Variants in NEO1 observed in about 807,000 individuals in gnomAD.
NEO1 encodes the protein neogenin.
Under a neutral mutation model 159.7 loss-of-function variants are expected in NEO1, and 63 were observed. The ratio of observed to expected loss-of-function variants is 0.39; its 90% CI spans 0.32 to 0.49. The LOEUF (loss-of-function observed/expected upper bound fraction) is 0.49. Among genes scored for constraint, NEO1 ranks in the 20% least tolerant of loss-of-function variants. The pLI, the probability that NEO1 is intolerant of heterozygous loss-of-function variation, is 0.85. For synonymous variants in NEO1, 633 were observed against 662.0 expected, an observed-to-expected ratio of 0.96 and a Z score of 0.67; for missense variants, 1,615 against 1,831.0, an observed-to-expected ratio of 0.88 and a Z score of 2.15.
intron 1 of NEO1, among the ~76,000 whole-genome samples, chr15:73,089,597 A>G (rs992757973): frequency 6.6e-6 from 1 of 151,630 alleles, no homozygotes; most frequent in Non-Finnish European, 1.5e-5. Context: ...AAAACAACTT[A>G]CACCATTTTT....
In NEO1 at chr15:73,052,774, C is replaced by T; in HGVS notation, c.99C>T (p.Ala33=). The change falls in exon 1 of 29, where the codon GCC becomes GCT. Residue 33 remains alanine, a synonymous_variant. Coordinates refer to ENST00000261908, the MANE Select transcript of NEO1 (RefSeq NM_002499.4). ...LLGRRAPGAA[A]ARSGSAPQSP... ...GGCGCCGGGCGCCGGGCGCCGCGGC[C>T]GCCAGGAGCGGCTCCGCGCCGCAGT... is the stretch of plus-strand genomic sequence containing the variant. 1 of 1,219,380 alleles carries T rather than the reference C, an allele frequency of 8.2e-7. No homozygotes were observed. Among genetic ancestry groups the T allele is most frequent in the South Asian group, 2.3e-5 (1 of 42,934 alleles). 75.5% of individuals were successfully genotyped at this position (1,219,380 alleles called of 1,614,324 possible). A position where few individuals can be genotyped will look rare whatever the true frequency, so the allele number is the denominator to read the frequency against.
intron 5 of NEO1, among the ~76,000 whole-genome samples, chr15:73,172,186 C>A (rs533712045): frequency 3.9e-4 from 59 of 152,184 alleles, no homozygotes; most frequent in African/African-American, 1.3e-3. Context: ...TTATTCTATT[C>A]TCTTAAATAA....
chr15:73,288,908 T>C (rs770581603), intron 24 of NEO1, among the ~76,000 whole-genome samples: 1 of 152,204 alleles, frequency 6.6e-6, no homozygotes, highest in Non-Finnish European at 1.5e-5. Flanking sequence ...GTCTGGAGGC[T>C]CTTATAGACA....
intron 7 of NEO1, among the ~76,000 whole-genome samples, chr15:73,188,179 C>T (rs1464428118): frequency 6.6e-6 from 1 of 151,662 alleles, no homozygotes; most frequent in African/African-American, 2.4e-5. Flanking sequence ...CTAAATTTTA[C>T]CACTGATTAA....
chr15:73,273,017 G>GC (rs908563390), intron 19 of NEO1, among the ~76,000 whole-genome samples: 7 of 140,056 alleles, frequency 5.0e-5, no homozygotes, highest in Non-Finnish European at 9.1e-5. Context: ...CCTTTTCACT[G>GC]CCCCCCGAGA....
chr15:73,261,773 A>G (rs1272560375), intron 15 of NEO1, among the ~76,000 whole-genome samples: 1 of 152,216 alleles, frequency 6.6e-6, no homozygotes, highest in African/African-American at 2.4e-5. Flanking sequence ...GCTTTTTTGT[A>G]GAAATTGATA....
At chr15:73,299,976 T>G (rs1362219702) in intron 27 of NEO1, 1 of 152,232 alleles carries the variant, frequency 6.6e-6, no homozygotes, top group Non-Finnish European at 1.5e-5. Context: ...GGTTTGTTTG[T>G]AAAGTGAAAT....
Position 73,127,771 on chromosome 15 carries a change from A to T in NEO1, c.878+1201A>T, listed in dbSNP as rs147804560. Among the ~76,000 whole-genome samples, 490 of 152,354 alleles carry T rather than the reference A, an allele frequency of 3.2e-3. 2 individuals are homozygous for T. The highest frequency in any genetic ancestry group is 0.011 in the African/African-American group (470 of 41,586). On this transcript the variant is annotated intron_variant, in intron 4 of 28. Coordinates refer to ENST00000261908, the MANE Select transcript of NEO1 (RefSeq NM_002499.4). ...ATGTGAAATGTAGTTCTACCAAAAG[A>T]ATAAAGTTTATGTTTAGTGGGAAAC...
At chr15:73,276,833 A>G (rs2041447704) in intron 21 of NEO1, among the ~76,000 whole-genome samples, 1 of 152,162 alleles carries the variant, frequency 6.6e-6, no homozygotes, top group Non-Finnish European at 1.5e-5. Flanking sequence ...GTAAGGCTTT[A>G]TTTGTAGAAA....
chr15:73,233,198 G>C (rs1032861309), intron 7 of NEO1, among the ~76,000 whole-genome samples: 3 of 152,168 alleles, frequency 2.0e-5, no homozygotes, highest in African/African-American at 7.2e-5. Flanking sequence ...TGGAACAGCA[G>C]CAATAGAATC....
At chr15:73,243,649 A>G (rs2039601458) in intron 8 of NEO1, among the ~76,000 whole-genome samples, 1 of 152,222 alleles carries the variant, frequency 6.6e-6, no homozygotes, top group African/African-American at 2.4e-5. Context: ...AAGAACCTAG[A>G]TAACTGGTTT....
chr15:73,066,282 G>T (rs1427327428), intron 1 of NEO1, among the ~76,000 whole-genome samples: 1 of 147,132 alleles, frequency 6.8e-6, no homozygotes, highest in Non-Finnish European at 1.5e-5. Flanking sequence ...GCCTCCCAAA[G>T]TGCTGGGATT....
At chr15:73,051,707 G>A (rs1379693894), upstream of NEO1, 1 of 151,802 alleles carries the variant, frequency 6.6e-6, no homozygotes, top group Non-Finnish European at 1.5e-5. Context: ...CTTGGGAGCC[G>A]GAGGTCAGCG....
chr15:73,112,893 T>G (rs2071082350), intron 1 of NEO1, among the ~76,000 whole-genome samples: 1 of 152,188 alleles, frequency 6.6e-6, no homozygotes, highest in Non-Finnish European at 1.5e-5. Context: ...TTACATGGTG[T>G]GAGTAGGCAT....
At chr15:73,201,954 CTTTTTTT>C (rs1206304409) in intron 7 of NEO1, among the ~76,000 whole-genome samples, 7 of 83,458 alleles carry the variant, frequency 8.4e-5, no homozygotes, top group African/African-American at 3.4e-4. Flanking sequence ...CTATATCATT[CTTTTTTT>C]TTTTTTTTTT....
intron 7 of NEO1, among the ~76,000 whole-genome samples, chr15:73,189,849 T>C (rs2036145265): frequency 6.6e-6 from 1 of 152,262 alleles, no homozygotes; most frequent in Non-Finnish European, 1.5e-5. Context: ...TGAAGTAGAA[T>C]TTGACTTTTG....
At chr15:73,200,312 C>A (rs1006356716) in intron 7 of NEO1, among the ~76,000 whole-genome samples, 2 of 151,914 alleles carry the variant, frequency 1.3e-5, no homozygotes, top group Non-Finnish European at 2.9e-5. Flanking sequence ...CCAGAGTGGT[C>A]GCTTACACCT....
intron 24 of NEO1, 191 bp from the exon 25 acceptor site, chr15:73,288,955 C>T (rs2042055370): frequency 3.4e-6 from 2 of 588,988 alleles, no homozygotes; most frequent in East Asian, 2.8e-5. Context: ...GTGACATCCA[C>T]ATTGATTCAG....
chr15:73,212,920 G>T (rs1211653869), intron 7 of NEO1, among the ~76,000 whole-genome samples: 7 of 152,124 alleles, frequency 4.6e-5, no homozygotes, highest in Non-Finnish European at 1.0e-4. Context: ...AACATGTTTG[G>T]TATCATTTCA....
Sources: allele counts gnomAD v4.1 joint callset (sites outside exome capture counted in the v4.1 genomes callset), GRCh38; gene constraint gnomAD v4.1.1; transcripts MANE v1.5; gene names NCBI Gene and HGNC (gene_info 2026-07-23, HGNC 2026-07-21).